GATA4: variants seen among roughly 807,000 people sequenced by gnomAD.
GATA4 encodes the protein transcription factor GATA-4.
A neutral mutation model predicts 37.9 loss-of-function variants in GATA4; 7 were observed. The observed-to-expected ratio is 0.18, with a 90% CI of 0.11 to 0.35. The LOEUF is 0.35. Ranked by LOEUF, GATA4 falls within the 10% of genes least tolerant of loss-of-function variation. GATA4 has a pLI of 1.00. For synonymous variants in GATA4, 372 were observed against 292.6 expected, an observed-to-expected ratio of 1.27 and a Z score of -2.77; for missense variants, 647 against 653.0, an observed-to-expected ratio of 0.99 and a Z score of 0.10.
In GATA4 at chr8:11,708,793, C is replaced by G; in HGVS notation, c.481C>G (p.Pro161Ala). The change falls in exon 2 of 7, where the codon CCC becomes GCC. Residue 161 changes from proline to alanine, a missense_variant. Pro to Ala is a conservative substitution (Grantham distance 27). This residue lies in a region of GATA4 where 379 missense variants were observed against 334.5 expected (regional missense o/e 1.13). Transcript: ENST00000532059. The surrounding 1 kb of genome is among the most constrained non-coding windows in gnomAD (Gnocchi z 6.7). Reference sequence around the variant, plus strand: ...CGGCTTCGCGGGCTCCTACTCCAGCCCCTACCCGGCTTACATGGCCGACGT... The same window carrying G: ...CGGCTTCGCGGGCTCCTACTCCAGCGCCTACCCGGCTTACATGGCCGACGT... ...RAGFAGSYSSPYPAYMADVGA... is the reference protein window; with the variant it reads ...RAGFAGSYSSAYPAYMADVGA... 1 of 1,474,592 alleles carries G rather than the reference C, an allele frequency of 6.8e-7. No homozygotes were observed. The highest frequency in any genetic ancestry group is 8.9e-7 in the Non-Finnish European group (1 of 1,119,872). 91.3% of individuals were successfully genotyped at this position (1,474,592 alleles called of 1,614,324 possible).
rs756105399 is a variant in GATA4 at position 11,695,044 on chromosome 8, C to G, written c.-729+2384C>G. On this transcript the variant is annotated intron_variant, in intron 1 of 2. Coordinates refer to the GATA4 transcript ENST00000526974. The stretch of plus-strand genomic sequence containing the variant: ...CACTTTCATCCTGCTACCTTGCGCC[C>G]TGATGGTAGCCCATCCATGTGAACA... 9.2e-5 allele frequency among the ~76,000 whole-genome samples: 14 copies of G among 152,210 alleles called. No individual in the cohort carries two copies. The South Asian group carries it at 1.7e-3, about 18-fold the overall frequency.
chr8:11,746,259 G>A (rs1005571364), intron 2 of GATA4, among the ~76,000 whole-genome samples: 12 of 151,970 alleles, frequency 7.9e-5, no homozygotes, highest in Non-Finnish European at 1.3e-4. Flanking sequence ...GATAGAAAAA[G>A]TAAAATAGAC....
chr8:11,757,463 G>A (rs138614357), intron 6 of GATA4, among the ~76,000 whole-genome samples: 282 of 152,318 alleles, frequency 1.9e-3, no homozygotes, highest in African/African-American at 6.5e-3. Flanking sequence ...ATGAGACTGC[G>A]TGCTGGGGCG....
chr8:11,711,115 CAAAA>C (rs1304405948), intron 2 of GATA4, among the ~76,000 whole-genome samples: 1 of 152,152 alleles, frequency 6.6e-6, no homozygotes, highest in African/African-American at 2.4e-5. Flanking sequence ...AACAAACAAA[CAAAA>C]AACCGAAATA....
intron 2 of GATA4, among the ~76,000 whole-genome samples, chr8:11,730,043 A>C (rs549097330): frequency 6.6e-6 from 1 of 152,256 alleles, no homozygotes. Flanking sequence ...CTCACACCTC[A>C]GCCTCCTGAG....
chr8:11,741,194 G>C (rs1752787538), intron 2 of GATA4, among the ~76,000 whole-genome samples: 1 of 152,172 alleles, frequency 6.6e-6, no homozygotes, highest in Non-Finnish European at 1.5e-5. Context: ...GAAAGTGCTT[G>C]TGGCCAGAAG....
chr8:11,720,215 C>A (rs1000547052), intron 2 of GATA4, among the ~76,000 whole-genome samples: 11 of 151,796 alleles, frequency 7.2e-5, no homozygotes, highest in Non-Finnish European at 1.0e-4. Flanking sequence ...ACTGCTCTAC[C>A]GCCCTTTGGA....
chr8:11,757,213 G>C, intron 6 of GATA4, 130 bp downstream of exon 6: 1 of 1,365,604 alleles, frequency 7.3e-7, no homozygotes. Flanking sequence ...TACCCTCTGC[G>C]CTAGGAAGAC....
chr8:11,708,761 G>A lies in GATA4; in HGVS notation c.449G>A (p.Gly150Glu). ...GAGLAGREQY[G>E]RAGFAGSYSS... is the part of the protein sequence containing the mutation. Reference sequence around the variant, plus strand: ...GGCCTGGCGGGCCGCGAGCAGTACGGGCGCGCCGGCTTCGCGGGCTCCTAC... The same window carrying A: ...GGCCTGGCGGGCCGCGAGCAGTACGAGCGCGCCGGCTTCGCGGGCTCCTAC... Residue 150 changes from glycine (G) to glutamate (E), a missense_variant, in exon 2 of 7, where the codon GGG becomes GAG. Around this residue, in one of 5 missense-constraint regions of GATA4, gnomAD observed 379 missense variants for 334.5 expected, o/e 1.13. Transcript: ENST00000532059. This position sits in a 1 kb window ranked among gnomAD's most constrained non-coding sequence, Gnocchi z 6.7. 7.0e-7 allele frequency: 1 copy of A among 1,419,556 alleles called. No individual in the cohort carries two copies. The highest frequency in any genetic ancestry group is 9.2e-7 in the Non-Finnish European group (1 of 1,091,476). 87.9% of individuals were successfully genotyped at this position (1,419,556 alleles called of 1,614,324 possible).
At chr8:11,706,285 A>T (rs1199963238) in intron 1 of GATA4, among the ~76,000 whole-genome samples, 1 of 152,248 alleles carries the variant, frequency 6.6e-6, no homozygotes, top group Admixed American at 6.5e-5. Flanking sequence ...TGTAGTGTGT[A>T]TTAAAGATTC....
chr8:11,754,997 A>C, intron 4 of GATA4, 49 bp from the exon 5 acceptor site: 1 of 1,421,350 alleles, frequency 7.0e-7, no homozygotes, highest in Non-Finnish European at 9.9e-7. Context: ...ATGCTGTAGC[A>C]GACTACGCAG....
chr8:11,694,633 G>A (rs2129994309), intron 1 of GATA4: 1 of 517,146 alleles, frequency 1.9e-6, no homozygotes, highest in South Asian at 8.4e-5. Flanking sequence ...GTGGGGGATT[G>A]TTTTGTTTTT....
intron 1 of GATA4, chr8:11,680,437 C>A: frequency 1.0e-6 from 1 of 975,766 alleles, no homozygotes; most frequent in Non-Finnish European, 1.2e-6. Context: ...TCCCTCTCAT[C>A]GCCTCTCCGT....
intron 2 of GATA4, among the ~76,000 whole-genome samples, chr8:11,746,224 T>A (rs1474081120): frequency 2.0e-5 from 3 of 148,390 alleles, no homozygotes; most frequent in Non-Finnish European, 4.5e-5. Flanking sequence ...TGAGACTCTG[T>A]CTCAAAAAAA....
At chr8:11,735,015 A>G (rs926720238) in intron 2 of GATA4, among the ~76,000 whole-genome samples, 1 of 152,278 alleles carries the variant, frequency 6.6e-6, no homozygotes, top group East Asian at 1.9e-4. Flanking sequence ...CAAATAAAGC[A>G]GATCCACATG....
intron 1 of GATA4, among the ~76,000 whole-genome samples, chr8:11,694,798 A>G (rs981055668): frequency 6.6e-6 from 1 of 152,168 alleles, no homozygotes; most frequent in African/African-American, 2.4e-5. Context: ...AGAAACAATC[A>G]TATTATCAAG....
intron 1 of GATA4, chr8:11,681,359 C>G (rs1156955859): frequency 1.0e-6 from 1 of 985,266 alleles, no homozygotes; most frequent in South Asian, 4.7e-5. Flanking sequence ...CAGCACTCGT[C>G]CCCCTAGGTC....
At chr8:11,751,809 G>A (rs1802318634) in intron 4 of GATA4, among the ~76,000 whole-genome samples, 1 of 152,174 alleles carries the variant, frequency 6.6e-6, no homozygotes, top group African/African-American at 2.4e-5. Context: ...AGTGTTTGCT[G>A]CTATGGATTT....
At chr8:11,750,027 GC>G in intron 3 of GATA4, 83 bp from the exon 4 acceptor site, 1 of 1,601,080 alleles carries the variant, frequency 6.2e-7, no homozygotes, top group Non-Finnish European at 8.5e-7. Flanking sequence ...CGTTAGGGAG[GC>G]CCAGCTCCGC....
Sources: allele counts gnomAD v4.1 joint callset (sites outside exome capture counted in the v4.1 genomes callset), GRCh38; gene constraint gnomAD v4.1.1; regional missense constraint gnomAD v4.1.1; non-coding constraint Gnocchi (gnomAD v3.1); transcripts MANE v1.5; gene names NCBI Gene and HGNC (gene_info 2026-07-23, HGNC 2026-07-21).